The following GAS7 variants were observed in gnomAD, a reference collection of about 807,000 sequenced individuals.
GAS7 encodes the protein growth arrest specific 7.
A neutral mutation model predicts 71.1 loss-of-function variants in GAS7; 28 were observed. The observed-to-expected ratio is 0.39, with a 90% CI of 0.29 to 0.54. The LOEUF (loss-of-function observed/expected upper bound fraction) is 0.54. Among genes scored for constraint, GAS7 ranks in the 20% least tolerant of loss-of-function variants. The pLI, the probability that GAS7 is intolerant of heterozygous loss-of-function variation, is 0.62. For synonymous variants in GAS7, 258 were observed against 245.8 expected (o/e 1.05, Z -0.46); for missense variants, 436 against 627.8 (o/e 0.69, Z 3.27).
At chr17:10,145,932 A>T (rs2074117909) in intron 1 of GAS7, among the ~76,000 whole-genome samples, 1 of 152,188 alleles carries the variant, frequency 6.6e-6, no homozygotes, top group African/African-American at 2.4e-5. Context: ...GTAGTCCCAA[A>T]GCCAGGATCT....
At chr17:10,166,841 T>A (rs1471866192) in intron 1 of GAS7, among the ~76,000 whole-genome samples, 1 of 152,160 alleles carries the variant, frequency 6.6e-6, no homozygotes, top group Non-Finnish European at 1.5e-5. Context: ...AGCCAGGACC[T>A]ACGTTTCCAT....
At chr17:9,962,184 T>G (rs1217853133) in intron 4 of GAS7, among the ~76,000 whole-genome samples, 1 of 152,100 alleles carries the variant, frequency 6.6e-6, no homozygotes, top group Non-Finnish European at 1.5e-5. Flanking sequence ...CTGCCTGTGC[T>G]GCTGATAACC....
chr17:10,094,358 C>T (rs1260085524), intron 1 of GAS7, among the ~76,000 whole-genome samples: 1 of 152,218 alleles, frequency 6.6e-6, no homozygotes, highest in African/African-American at 2.4e-5. Flanking sequence ...AGTATCAACA[C>T]AAGAGTTAAA....
intron 1 of GAS7, among the ~76,000 whole-genome samples, chr17:10,186,820 A>G (rs1017736178): frequency 1.3e-5 from 2 of 151,870 alleles, no homozygotes; most frequent in African/African-American, 4.8e-5. Flanking sequence ...CCCGGGAGGC[A>G]GAGGTTGCAG....
chr17:10,041,481 G>A (rs1347637646), intron 1 of GAS7, among the ~76,000 whole-genome samples: 1 of 152,170 alleles, frequency 6.6e-6, no homozygotes, highest in African/African-American at 2.4e-5. Context: ...CAAGGGCAAG[G>A]GACCTTTCCG....
chr17:10,126,314 C>T (rs2073945999), intron 1 of GAS7, among the ~76,000 whole-genome samples: 1 of 148,126 alleles, frequency 6.8e-6, no homozygotes, highest in Non-Finnish European at 1.5e-5. Flanking sequence ...TGAATGTGTG[C>T]ATGCCACACA....
At chr17:9,991,922 C>T (rs1251203189) in intron 2 of GAS7, among the ~76,000 whole-genome samples, 2 of 152,148 alleles carry the variant, frequency 1.3e-5, no homozygotes, top group Admixed American at 1.3e-4. Context: ...GATCCAGAAC[C>T]TAAGCACAGG....
chr17:9,986,118 G>A (rs1010400195), intron 2 of GAS7, among the ~76,000 whole-genome samples: 4 of 152,210 alleles, frequency 2.6e-5, no homozygotes, highest in African/African-American at 7.2e-5. Flanking sequence ...CACCTGGCCT[G>A]AAGGATGCAA....
chr17:10,158,079 C>T (rs1180905238), intron 1 of GAS7, among the ~76,000 whole-genome samples: 1 of 152,174 alleles, frequency 6.6e-6, no homozygotes, highest in Non-Finnish European at 1.5e-5. Context: ...GGCACAATCT[C>T]GGCTCACTGC....
intron 4 of GAS7, among the ~76,000 whole-genome samples, chr17:9,964,747 T>C (rs113187873): frequency 3.1e-4 from 47 of 152,350 alleles, no homozygotes; most frequent in African/African-American, 1.0e-3. Flanking sequence ...ATTTATCTAC[T>C]GTTTCTCCCA....
chr17:10,072,022 C>T (rs906618033), intron 1 of GAS7, among the ~76,000 whole-genome samples: 57 of 152,116 alleles, frequency 3.7e-4, no homozygotes, highest in East Asian at 1.9e-4. Context: ...CAGGTGCTAT[C>T]GACAGGATGA....
At chr17:10,192,981 G>A (rs893279929) in intron 1 of GAS7, among the ~76,000 whole-genome samples, 3 of 152,052 alleles carry the variant, frequency 2.0e-5, no homozygotes, top group African/African-American at 7.2e-5. Flanking sequence ...TAGCATGAGG[G>A]ACAAGGTCAC....
At chr17:10,053,902 A>AGCCC (rs2073098437) in intron 1 of GAS7, among the ~76,000 whole-genome samples, 1 of 152,200 alleles carries the variant, frequency 6.6e-6, no homozygotes, top group Non-Finnish European at 1.5e-5. Context: ...TTCAGCATGC[A>AGCCC]TCAGAAGGGC....
intron 1 of GAS7, among the ~76,000 whole-genome samples, chr17:10,020,445 C>T (rs2072222993): frequency 6.6e-6 from 1 of 152,194 alleles, no homozygotes; most frequent in South Asian, 2.1e-4. Flanking sequence ...ATCACTCTGG[C>T]AAAAAGAACG....
At chr17:9,941,408 T>C (rs1159414813) in intron 7 of GAS7, among the ~76,000 whole-genome samples, 2 of 152,216 alleles carry the variant, frequency 1.3e-5, no homozygotes, top group African/African-American at 4.8e-5. Flanking sequence ...GTCTGCCTCC[T>C]GTGTCTCACC....
chr17:10,177,746 C>T (rs1008320367), intron 1 of GAS7, among the ~76,000 whole-genome samples: 1 of 152,186 alleles, frequency 6.6e-6, no homozygotes, highest in African/African-American at 2.4e-5. Flanking sequence ...CATCAGTCCT[C>T]ATTTGCAAGA....
chr17:10,005,326 T>C lies in GAS7; in HGVS notation c.304+14451A>G, dbSNP rs201526215. ...ACACATATATACACACACATATATA[T>C]ATACACACACACACACACACATATA... On this transcript the variant is annotated intron_variant, in intron 2 of 13. Coordinates refer to ENST00000432992, the MANE Select transcript of GAS7 (RefSeq NM_201433.2). 4.7e-3 allele frequency among the ~76,000 whole-genome samples: 709 copies of C among 150,452 alleles called. 4 individuals carry two copies. Among genetic ancestry groups the C allele is most frequent in the East Asian group, 0.018 (90 of 5,086 alleles).
At chr17:10,145,364 T>C (rs1006767898) in intron 1 of GAS7, among the ~76,000 whole-genome samples, 23 of 152,110 alleles carry the variant, frequency 1.5e-4, no homozygotes, top group African/African-American at 5.1e-4. Context: ...CATGCCTGGG[T>C]GAATCTAAAG....
intron 1 of GAS7, among the ~76,000 whole-genome samples, chr17:10,192,144 C>T (rs1038622410): frequency 4.6e-5 from 7 of 152,236 alleles, no homozygotes; most frequent in African/African-American, 1.7e-4. Context: ...AACGTCACAA[C>T]ATGTTCTGGT....
Sources: gnomAD v4.1 joint callset for allele counts (sites outside exome capture counted in the v4.1 genomes callset) on GRCh38, gnomAD v4.1.1 for gene constraint, MANE v1.5 for transcripts, NCBI Gene and HGNC (gene_info 2026-07-23, HGNC 2026-07-21) for gene names.